The following CLVS1 variants were observed in gnomAD, a reference collection of about 807,000 sequenced individuals.
The protein encoded by CLVS1 is clavesin 1.
In CLVS1, 10 loss-of-function variants were observed where a neutral mutation model predicts 33.1. That is an observed-to-expected ratio of 0.30 (90% CI 0.19 to 0.51). The LOEUF (loss-of-function observed/expected upper bound fraction) is 0.51, where lower values mean the gene tolerates loss of function less well. Among genes scored for constraint, CLVS1 ranks in the 20% least tolerant of loss-of-function variants. The probability of loss-of-function intolerance (pLI) is 0.97; values close to 1 mark genes in which losing one functional copy is unlikely to be tolerated. For missense variants in CLVS1, 343 were observed against 433.4 expected (o/e 0.79, Z 1.85); for synonymous variants, 163 against 166.1 (o/e 0.98, Z 0.14).
At chr8:61,478,957 G>A (rs1818072313) in intron 5 of CLVS1, among the ~76,000 whole-genome samples, 1 of 152,210 alleles carries the variant, frequency 6.6e-6, no homozygotes, top group South Asian at 2.1e-4. Flanking sequence ...TCCGCTGTTA[G>A]TCTGATGGGC....
intron 5 of CLVS1, among the ~76,000 whole-genome samples, chr8:61,481,729 C>T (rs1477652334): frequency 1.3e-5 from 2 of 152,238 alleles, no homozygotes; most frequent in African/African-American, 4.8e-5. Context: ...CCCACCGCAG[C>T]TCAAGGAAGC....
At chr8:61,142,187 G>A (rs956756111) in intron 2 of CLVS1, among the ~76,000 whole-genome samples, 2 of 152,146 alleles carry the variant, frequency 1.3e-5, no homozygotes, top group Non-Finnish European at 2.9e-5. Flanking sequence ...TCATGGGGGT[G>A]GTTTCCCCCA....
At chr8:61,114,939 T>C (rs16926871) in intron 1 of CLVS1, among the ~76,000 whole-genome samples, 12,132 of 152,288 alleles carry the variant, frequency 0.08, 713 homozygotes, top group East Asian at 0.25. Flanking sequence ...GAAAAAGCTC[T>C]TGAAGCTCTG....
intron 2 of CLVS1, among the ~76,000 whole-genome samples, chr8:61,351,734 C>A (rs1024836538): frequency 2.6e-5 from 4 of 151,944 alleles, no homozygotes; most frequent in African/African-American, 9.7e-5. Flanking sequence ...TCAAGTGACA[C>A]TGAATTTTCA....
At chr8:61,389,190 T>C (rs1814203461) in intron 3 of CLVS1, among the ~76,000 whole-genome samples, 1 of 152,108 alleles carries the variant, frequency 6.6e-6, no homozygotes, top group Non-Finnish European at 1.5e-5. Context: ...ATACTAGAAG[T>C]CTCAATGAAG....
intron 2 of CLVS1, among the ~76,000 whole-genome samples, chr8:61,266,206 C>T (rs943419286): frequency 3.3e-5 from 5 of 152,150 alleles, no homozygotes; most frequent in African/African-American, 9.7e-5. Flanking sequence ...AACCATCCTT[C>T]CCCATCCTTA....
At chr8:61,462,781 G>T (rs1457702920) in intron 5 of CLVS1, among the ~76,000 whole-genome samples, 2 of 152,158 alleles carry the variant, frequency 1.3e-5, no homozygotes, top group Non-Finnish European at 2.9e-5. Context: ...ATAGTGCACA[G>T]GGAGAGTAGA....
chr8:61,417,140 T>A (rs542991400), intron 3 of CLVS1, among the ~76,000 whole-genome samples: 117 of 152,204 alleles, frequency 7.7e-4, no homozygotes, highest in Non-Finnish European at 1.5e-3. Context: ...GGGGAGACCA[T>A]GGGCTGGAGA....
At chr8:61,341,079 C>T (rs752838024) in intron 2 of CLVS1, among the ~76,000 whole-genome samples, 11 of 152,078 alleles carry the variant, frequency 7.2e-5, no homozygotes, top group Non-Finnish European at 1.0e-4. Flanking sequence ...AAAGTATTGT[C>T]GATAAAAACA....
At chr8:61,310,740 C>T (rs1295529439) in intron 2 of CLVS1, among the ~76,000 whole-genome samples, 1 of 152,180 alleles carries the variant, frequency 6.6e-6, no homozygotes, top group Non-Finnish European at 1.5e-5. Context: ...TCTTTTAATT[C>T]CAGCCCAGCA....
chr8:61,335,761 G>A (rs1392501185), intron 2 of CLVS1, among the ~76,000 whole-genome samples: 1 of 152,044 alleles, frequency 6.6e-6, no homozygotes, highest in Non-Finnish European at 1.5e-5. Flanking sequence ...TTCAGAAGCA[G>A]ACCACTGCAA....
At chr8:61,258,514 G>T (rs1372605443) in intron 2 of CLVS1, among the ~76,000 whole-genome samples, 1 of 152,166 alleles carries the variant, frequency 6.6e-6, no homozygotes, top group South Asian at 2.1e-4. Context: ...GCCCAGTGGA[G>T]GGAGGGGACC....
chr8:61,464,247 G>A (rs1324192080), intron 5 of CLVS1, among the ~76,000 whole-genome samples: 1 of 152,162 alleles, frequency 6.6e-6, no homozygotes, highest in Non-Finnish European at 1.5e-5. Context: ...TATCTGCAAA[G>A]GGCAATGACG....
the CLVS1 span, among the ~76,000 whole-genome samples, chr8:61,041,685 T>C: frequency 2.0e-5 from 3 of 152,202 alleles, no homozygotes; most frequent in East Asian, 5.8e-4. Flanking sequence ...GCACATATAT[T>C]AGAAATGCTG....
intron 3 of CLVS1, among the ~76,000 whole-genome samples, chr8:61,388,571 T>C (rs1187093043): frequency 6.6e-6 from 1 of 152,016 alleles, no homozygotes; most frequent in African/African-American, 2.4e-5. Context: ...CAAATAAGTG[T>C]CATAAAATGG....
chr8:61,380,275 C>T (rs1420609588), intron 3 of CLVS1, among the ~76,000 whole-genome samples: 1 of 152,128 alleles, frequency 6.6e-6, no homozygotes, highest in African/African-American at 2.4e-5. Flanking sequence ...CTACTTCTGA[C>T]CATAATCATT....
intron 5 of CLVS1, among the ~76,000 whole-genome samples, chr8:61,474,590 G>C (rs1331738581): frequency 6.6e-6 from 1 of 152,200 alleles, no homozygotes; most frequent in African/African-American, 2.4e-5. Context: ...ATCCAGTAAA[G>C]AGGGAGAATT....
intron 1 of CLVS1, among the ~76,000 whole-genome samples, chr8:61,082,990 T>A (rs200121371): frequency 1.5e-5 from 2 of 135,806 alleles, no homozygotes; most frequent in South Asian, 2.3e-4. Flanking sequence ...GTCTTAAACA[T>A]AAAAAAAAAG....
At chr8:61,369,034 G>T (rs956706206) in intron 2 of CLVS1, among the ~76,000 whole-genome samples, 1 of 146,454 alleles carries the variant, frequency 6.8e-6, no homozygotes, top group African/African-American at 2.5e-5. Context: ...TTCTCTCCCC[G>T]TCTTTCTTCC....
Sources: allele counts gnomAD v4.1 joint callset (sites outside exome capture counted in the v4.1 genomes callset), GRCh38; gene constraint gnomAD v4.1.1; transcripts MANE v1.5; gene names NCBI Gene and HGNC (gene_info 2026-07-23, HGNC 2026-07-21).